The following FAM135B variants were observed in gnomAD, a reference collection of about 807,000 sequenced individuals.
FAM135B encodes protein FAM135B.
In FAM135B, 43 loss-of-function variants were observed where a neutral mutation model predicts 127.7. The ratio of observed to expected loss-of-function variants is 0.34; its 90% confidence interval spans 0.26 to 0.43. FAM135B has a LOEUF of 0.43. Ranked by LOEUF, FAM135B falls within the 20% of genes least tolerant of loss-of-function variation. The pLI is 1.00. For synonymous variants in FAM135B, 670 were observed against 665.1 expected (o/e 1.01, Z -0.11); for missense variants, 1,558 against 1,725.6 (o/e 0.90, Z 1.72).
chr8:138,143,383 CTGGCGTGTCAGCG>C (rs1444479218), intron 15 of FAM135B, among the ~76,000 whole-genome samples: 1 of 152,198 alleles, frequency 6.6e-6, no homozygotes, highest in Non-Finnish European at 1.5e-5. Flanking sequence ...CACCACGTGC[CTGGCGTGTCAGCG>C]TGACACTGGG....
intron 1 of FAM135B, among the ~76,000 whole-genome samples, chr8:138,390,666 T>A (rs1206441683): frequency 6.6e-6 from 1 of 152,188 alleles, no homozygotes; most frequent in African/African-American, 2.4e-5. Flanking sequence ...CACAGCTGTG[T>A]TCACTAATGA....
intron 3 of FAM135B, among the ~76,000 whole-genome samples, chr8:138,280,707 C>G (rs769851732): frequency 2.6e-5 from 4 of 152,144 alleles, no homozygotes; most frequent in Admixed American, 6.5e-5. Context: ...ATTTGCCTGG[C>G]AAGTAACAGA....
intron 15 of FAM135B, among the ~76,000 whole-genome samples, chr8:138,145,348 C>T (rs975795748): frequency 6.6e-6 from 1 of 152,078 alleles, no homozygotes; most frequent in African/African-American, 2.4e-5. Flanking sequence ...GATTTGTTCA[C>T]GTATTAAAGT....
At chr8:138,265,592 A>T in intron 4 of FAM135B, 111 bp downstream of exon 4, 2 of 1,233,032 alleles carry the variant, frequency 1.6e-6, no homozygotes, top group Non-Finnish European at 2.3e-6. Flanking sequence ...AATCTCTGTC[A>T]GATTTCAAAG....
chr8:138,206,436 T>G (rs1817622518), intron 7 of FAM135B, among the ~76,000 whole-genome samples: 2,078 of 143,888 alleles, frequency 0.014, no homozygotes, highest in Admixed American at 0.017. Context: ...CACAGCTCTA[T>G]CATCCCCTCC....
At chr8:138,361,526 A>G (rs1294999577) in intron 2 of FAM135B, among the ~76,000 whole-genome samples, 1 of 152,216 alleles carries the variant, frequency 6.6e-6, no homozygotes, top group Non-Finnish European at 1.5e-5. Context: ...AGAAGCTCAC[A>G]TTGACAGAGA....
intron 2 of FAM135B, among the ~76,000 whole-genome samples, chr8:138,343,168 G>T (rs1829172052): frequency 6.6e-6 from 1 of 152,226 alleles, no homozygotes; most frequent in Admixed American, 6.5e-5. Flanking sequence ...GGAAAATCCA[G>T]AACTAAGGGC....
chr8:138,145,743 C>T (rs1475704348), intron 15 of FAM135B, among the ~76,000 whole-genome samples: 7 of 152,180 alleles, frequency 4.6e-5, no homozygotes, highest in Non-Finnish European at 8.8e-5. Flanking sequence ...CAAAGGCTCC[C>T]GTCAACCGAT....
At chr8:138,210,993 A>G (rs781734963) in intron 7 of FAM135B, among the ~76,000 whole-genome samples, 2 of 152,182 alleles carry the variant, frequency 1.3e-5, no homozygotes, top group Non-Finnish European at 2.9e-5. Flanking sequence ...AGTATGGGGC[A>G]TGGCTGTGAT....
At chr8:138,209,464 T>TAAAATA in intron 7 of FAM135B, among the ~76,000 whole-genome samples, 1 of 151,750 alleles carries the variant, frequency 6.6e-6, no homozygotes, top group South Asian at 2.1e-4. Context: ...ATAGAGTGAG[T>TAAAATA]AAAATAACAA....
rs922044240 is a variant in FAM135B at position 138,130,564 on chromosome 8, C to T, written c.*2029G>A. ...CGGGCTACACAGTCTTTCAAAGGACCAGGGAATGACGAACATTGCTGATGA... is the reference window on the plus strand; with the variant it reads ...CGGGCTACACAGTCTTTCAAAGGACTAGGGAATGACGAACATTGCTGATGA... On this transcript the variant is annotated 3_prime_UTR_variant, in exon 20 of 20. Transcript: ENST00000395297. The T allele has an allele frequency of 6.6e-6, 1 of 152,150 alleles. No individual in the cohort carries two copies. The highest frequency in any genetic ancestry group is 1.5e-5 in the Non-Finnish European group (1 of 68,042). The allele number at this position is 152,150 out of a possible 1,614,324, so 9.4% of individuals were successfully genotyped here. A position where few individuals can be genotyped will look rare whatever the true frequency, so the allele number is the denominator to read the frequency against.
intron 3 of FAM135B, among the ~76,000 whole-genome samples, chr8:138,302,193 G>A (rs111387582): frequency 6.6e-6 from 1 of 152,038 alleles, no homozygotes; most frequent in African/African-American, 2.4e-5. Flanking sequence ...ATTCCAAGGA[G>A]GGGGGTGAGG....
intron 9 of FAM135B, among the ~76,000 whole-genome samples, chr8:138,190,666 C>T (rs1167410130): frequency 6.6e-6 from 1 of 152,178 alleles, no homozygotes; most frequent in African/African-American, 2.4e-5. Context: ...AAGAGTCTGG[C>T]ACCTTTTTAA....
At chr8:138,145,829 G>C (rs1020998213) in intron 15 of FAM135B, 130 bp downstream of exon 15, 4 of 566,234 alleles carry the variant, frequency 7.1e-6, no homozygotes, top group Non-Finnish European at 1.3e-5. Flanking sequence ...CCATCCAAAT[G>C]CCTGGCCAGC....
rs979153175 is a variant in FAM135B at position 138,243,603 on chromosome 8, C to G, written c.543-535G>C. On this transcript the variant is annotated intron_variant, in intron 6 of 19. Transcript: ENST00000395297. This position sits in a 1 kb window ranked among gnomAD's most constrained non-coding sequence, Gnocchi z 7.5. ...GCTGTGTCAACGCTAATTGGGAAGACCATAACCTGCTCAGCTCACAAATGT... is the reference window on the plus strand; with the variant it reads ...GCTGTGTCAACGCTAATTGGGAAGAGCATAACCTGCTCAGCTCACAAATGT... Among the ~76,000 whole-genome samples the G allele has an allele frequency of 6.6e-6, 1 of 152,218 alleles. No homozygotes were observed. Among genetic ancestry groups the G allele is most frequent in the Non-Finnish European group, 1.5e-5 (1 of 68,044 alleles).
intron 2 of FAM135B, among the ~76,000 whole-genome samples, chr8:138,342,841 C>G (rs1402272725): frequency 6.6e-6 from 1 of 152,190 alleles, no homozygotes; most frequent in African/African-American, 2.4e-5. Flanking sequence ...AGCACACAAG[C>G]ATGTATGCCC....
rs775045008 is a variant in FAM135B, at chr8:138,152,527, C to T, written c.1948G>A (p.Glu650Lys). Reference protein sequence around the residue: ...PCDPLSSTLREPLDIRSSLKD... With the variant: ...PCDPLSSTLRKPLDIRSSLKD... ...AGGGAAGACCTAATATCTAAGGGCT[C>T]CCTCAGGGTAGAACTTAGTGGATCA... is the stretch of plus-strand genomic sequence containing the variant. Residue 650 changes from glutamate (E) to lysine (K), a missense_variant, in exon 13 of 20, where the codon GAG becomes AAG. By Grantham distance (56) the Glu-to-Lys change is moderately conservative. This residue lies in a region of FAM135B where 923 missense variants were observed against 865.3 expected (regional missense o/e 1.07). Transcript: ENST00000395297. 3 of 1,614,018 alleles carry T rather than the reference C, an allele frequency of 1.9e-6. No individual in the cohort carries two copies. Among genetic ancestry groups the T allele is most frequent in the Non-Finnish European group, 1.7e-6 (2 of 1,180,042 alleles).
intron 1 of FAM135B, among the ~76,000 whole-genome samples, chr8:138,445,304 G>C (rs1179625927): frequency 6.6e-6 from 1 of 152,176 alleles, no homozygotes; most frequent in East Asian, 1.9e-4. Flanking sequence ...CTCATTTTAT[G>C]AGGCCAGCAT....
intron 1 of FAM135B, among the ~76,000 whole-genome samples, chr8:138,448,111 G>GAA (rs36063170): frequency 7.1e-6 from 1 of 141,584 alleles, no homozygotes. Context: ...ACAGAGGTCA[G>GAA]AAAAAAAAAA....
Sources: gnomAD v4.1 joint callset for allele counts (sites outside exome capture counted in the v4.1 genomes callset) on GRCh38, gnomAD v4.1.1 for gene constraint, gnomAD v4.1.1 regional missense constraint, Gnocchi (gnomAD v3.1) non-coding constraint, MANE v1.5 for transcripts, NCBI Gene and HGNC (gene_info 2026-07-23, HGNC 2026-07-21) for gene names.